The following PDE11A variants were observed in gnomAD, a reference collection of about 807,000 sequenced individuals.
PDE11A encodes the protein dual 3',5'-cyclic-AMP and -GMP phosphodiesterase 11A.
A neutral mutation model predicts 100.5 loss-of-function variants in PDE11A; 100 were observed. That is an observed-to-expected ratio of 1.00 (90% CI 0.85 to 1.18). The LOEUF is 1.18. PDE11A is among the 50% of genes most tolerant of loss of function. PDE11A has a pLI of 0.00. For synonymous variants in PDE11A, 381 were observed against 420.8 expected, an observed-to-expected ratio of 0.91 and a Z score of 1.16; for missense variants, 1,141 against 1,152.6, an observed-to-expected ratio of 0.99 and a Z score of 0.15.
chr2:177,736,089 A>G (rs911227866), intron 10 of PDE11A, among the ~76,000 whole-genome samples: 3 of 152,198 alleles, frequency 2.0e-5, no homozygotes, highest in Non-Finnish European at 4.4e-5. Flanking sequence ...CCTCCAGGGA[A>G]AAGGAATTTG....
chr2:178,041,160 G>A (rs962009729), intron 1 of PDE11A, among the ~76,000 whole-genome samples: 1 of 151,886 alleles, frequency 6.6e-6, no homozygotes, highest in Non-Finnish European at 1.5e-5. Flanking sequence ...GGCTGGTCTC[G>A]AATTGCTGGG....
chr2:177,743,203 GT>G (rs2081899679), intron 10 of PDE11A, among the ~76,000 whole-genome samples: 1 of 152,186 alleles, frequency 6.6e-6, no homozygotes, highest in African/African-American at 2.4e-5. Context: ...TGAAACTCAA[GT>G]TTTAAATAAT....
chr2:177,650,200 C>T (rs908772406), intron 19 of PDE11A, among the ~76,000 whole-genome samples: 3 of 152,146 alleles, frequency 2.0e-5, no homozygotes, highest in Admixed American at 6.5e-5. Flanking sequence ...CCTGCCTGGC[C>T]ATTAAATAGA....
At chr2:178,015,595 A>G (rs1001684256) in intron 1 of PDE11A, among the ~76,000 whole-genome samples, 9 of 152,212 alleles carry the variant, frequency 5.9e-5, no homozygotes, top group African/African-American at 2.2e-4. Context: ...GTTAAGTCAG[A>G]TAATTATATC....
intron 4 of PDE11A, among the ~76,000 whole-genome samples, chr2:177,884,309 G>A (rs1276475458): frequency 1.3e-5 from 2 of 152,186 alleles, no homozygotes; most frequent in Non-Finnish European, 1.5e-5. Context: ...CATGACTCCT[G>A]TAAGGCTCAT....
intron 19 of PDE11A, among the ~76,000 whole-genome samples, chr2:177,657,412 T>A (rs1243622418): frequency 6.6e-6 from 1 of 152,214 alleles, no homozygotes; most frequent in Non-Finnish European, 1.5e-5. Context: ...ATCATTCAGC[T>A]TTGAAAAAGA....
intron 6 of PDE11A, among the ~76,000 whole-genome samples, chr2:177,836,784 A>T (rs2083407973): frequency 6.6e-6 from 1 of 152,146 alleles, no homozygotes; most frequent in Non-Finnish European, 1.5e-5. Context: ...GGAGGAACAA[A>T]CAACTCCAGA....
At chr2:177,680,997 CA>C in intron 15 of PDE11A, 94 bp from the exon 16 acceptor site, 1 of 694,576 alleles carries the variant, frequency 1.4e-6, no homozygotes, top group Non-Finnish European at 2.6e-6. Flanking sequence ...ATGGGAAAAA[CA>C]TAAGACCACT....
Position 178,061,918 on chromosome 2 carries a change from T to C in PDE11A, c.912+9608A>G, listed in dbSNP as rs868303307. ...TTCTTATAATGACAGTAGCTCTTCT[T>C]CCCCCAGTTGACCTTTTTGTTCTTT... is the stretch of plus-strand genomic sequence containing the variant. On this transcript the variant is annotated intron_variant, in intron 1 of 19. Coordinates refer to ENST00000286063, the MANE Select transcript of PDE11A (RefSeq NM_016953.4). Among the ~76,000 whole-genome samples the C allele has an allele frequency of 9.2e-5, 14 of 152,310 alleles. 1 individual carries two copies. The South Asian group carries it at 2.9e-3, about 32-fold the overall frequency.
chr2:177,829,935 C>T (rs954963452), intron 6 of PDE11A, among the ~76,000 whole-genome samples: 5 of 152,110 alleles, frequency 3.3e-5, no homozygotes, highest in African/African-American at 1.2e-4. Flanking sequence ...ATAATCACTC[C>T]TGAGATTATA....
At chr2:177,804,525 A>G (rs772073195) in intron 9 of PDE11A, among the ~76,000 whole-genome samples, 1 of 152,002 alleles carries the variant, frequency 6.6e-6, no homozygotes, top group Non-Finnish European at 1.5e-5. Flanking sequence ...GATTTCTCAA[A>G]GAACTAAAAA....
chr2:177,672,025 C>G (rs1426798956), intron 17 of PDE11A, among the ~76,000 whole-genome samples: 1 of 152,172 alleles, frequency 6.6e-6, no homozygotes, highest in Non-Finnish European at 1.5e-5. Context: ...CTCTCCACCT[C>G]CTTCCATCCC....
chr2:177,672,160 G>T lies in PDE11A; in HGVS notation c.2488-2593C>A, dbSNP rs568819016. On this transcript the variant is annotated intron_variant, in intron 17 of 19. Coordinates refer to ENST00000286063, the MANE Select transcript of PDE11A (RefSeq NM_016953.4). ...GGCCTTCCCACATGGGAAAGGGGAG[G>T]GGGTAAGATGAACAGTGGGCAGAGA... Among the ~76,000 whole-genome samples the T allele has an allele frequency of 3.2e-4, 49 of 152,288 alleles. 3 individuals carry two copies. The South Asian group carries it at 0.01, about 32-fold the overall frequency.
chr2:178,053,986 T>G (rs1574371069), intron 1 of PDE11A, among the ~76,000 whole-genome samples: 1 of 152,148 alleles, frequency 6.6e-6, no homozygotes, highest in Non-Finnish European at 1.5e-5. Flanking sequence ...CCAATGACTT[T>G]CTTCACAGAA....
chr2:177,972,415 CA>C (rs1210064749), intron 2 of PDE11A, among the ~76,000 whole-genome samples: 5 of 152,126 alleles, frequency 3.3e-5, no homozygotes, highest in African/African-American at 1.2e-4. Flanking sequence ...GTGAAGCATC[CA>C]GTGAAGTGGT....
At chr2:178,064,225 C>G (rs1047188479) in intron 1 of PDE11A, among the ~76,000 whole-genome samples, 4 of 152,124 alleles carry the variant, frequency 2.6e-5, no homozygotes, top group African/African-American at 9.7e-5. Context: ...TACAGTTTAA[C>G]AATGTTATTA....
At chr2:177,931,318 A>G (rs1227935973) in intron 2 of PDE11A, among the ~76,000 whole-genome samples, 2 of 152,250 alleles carry the variant, frequency 1.3e-5, no homozygotes, top group East Asian at 3.9e-4. Flanking sequence ...TATACATTTT[A>G]GCATGGCTAA....
intron 5 of PDE11A, among the ~76,000 whole-genome samples, chr2:177,853,006 C>T (rs1400332122): frequency 3.3e-5 from 5 of 152,110 alleles, no homozygotes; most frequent in African/African-American, 9.7e-5. Context: ...ATTTATCAGC[C>T]GGTGTCACTG....
intron 9 of PDE11A, among the ~76,000 whole-genome samples, chr2:177,772,150 A>G (rs994440061): frequency 3.3e-5 from 5 of 152,040 alleles, no homozygotes; most frequent in African/African-American, 1.2e-4. Context: ...GTTTTTCCAT[A>G]GTTTTCTCAA....
Sources: allele counts gnomAD v4.1 joint callset (sites outside exome capture counted in the v4.1 genomes callset), GRCh38; gene constraint gnomAD v4.1.1; transcripts MANE v1.5; gene names NCBI Gene and HGNC (gene_info 2026-07-23, HGNC 2026-07-21).